MACF1: variants seen among roughly 807,000 people sequenced by gnomAD.
The protein encoded by MACF1 is microtubule-actin cross-linking factor 1.
A neutral mutation model predicts 854.8 loss-of-function variants in MACF1; 193 were observed. That is an observed-to-expected ratio of 0.23 (90% CI 0.20 to 0.25). MACF1 has a LOEUF of 0.25. Ranked by LOEUF, MACF1 falls within the 10% of genes least tolerant of loss-of-function variation. MACF1 has a pLI of 1.00. For synonymous variants in MACF1, 3,185 were observed against 3,226.7 expected (o/e 0.99, Z 0.44); for missense variants, 7,722 against 8,929.1 (o/e 0.86, Z 5.45).
At chr1:39,295,219 A>G (rs1209370856) in intron 19 of MACF1, 69 bp downstream of exon 19, 1 of 1,328,116 alleles carries the variant, frequency 7.5e-7, no homozygotes, top group East Asian at 2.3e-5. Flanking sequence ...TTCAAATTAG[A>G]GACTTTGTTC....
chr1:39,362,997 T>A (rs182108330), intron 49 of MACF1, among the ~76,000 whole-genome samples: 1 of 152,202 alleles, frequency 6.6e-6, no homozygotes, highest in Non-Finnish European at 1.5e-5. Flanking sequence ...ACAATAAATA[T>A]AAGATAGTTT....
In MACF1 at chr1:39,204,828, A is replaced by T. The variant is rs1024052532; in HGVS notation, c.-195A>T. On this transcript the variant is annotated 5_prime_UTR_variant, in exon 1 of 101. Coordinates refer to ENST00000564288, the MANE Select transcript of MACF1 (RefSeq NM_001394062.1). ...AGATACACTGTACAGTTTTAGTCCC[A>T]GTCTACTAGCGCCTGCTGAAAAACA... The T allele has an allele frequency of 1.7e-5, 10 of 580,980 alleles. No individual in the cohort carries two copies. Among genetic ancestry groups the T allele is most frequent in the Non-Finnish European group, 2.8e-5 (9 of 326,068 alleles). 36.0% of individuals were successfully genotyped at this position (580,980 alleles called of 1,614,324 possible).
In MACF1 at chr1:39,311,007, C is replaced by G; in HGVS notation, c.3270+7C>G. ...AAGGATTGCAGAGCAAGAGGTAAGCCCTAAGAGCCATGTGGATGCTGGTTG... is the reference window on the plus strand; with the variant it reads ...AAGGATTGCAGAGCAAGAGGTAAGCGCTAAGAGCCATGTGGATGCTGGTTG... On this transcript the variant is annotated splice_region_variant and intron_variant, in intron 26 of 100. Transcript: ENST00000564288. 6.2e-7 allele frequency: 1 copy of G among 1,608,294 alleles called. No individual in the cohort carries two copies. Among genetic ancestry groups the G allele is most frequent in the South Asian group, 1.1e-5 (1 of 90,232 alleles).
chr1:39,350,850 G>T lies in MACF1; in HGVS notation c.11031G>T (p.Gly3677=). The change falls in exon 43 of 101, where the codon GGG becomes GGT. Residue 3677 remains glycine, a synonymous_variant. Transcript: ENST00000564288. Reference sequence around the variant, plus strand: ...CCACTGTTGTCAAGGACATTGAGGGGTTCATGGAAGAGAATCAGACCAAGC... The same window carrying T: ...CCACTGTTGTCAAGGACATTGAGGGTTTCATGGAAGAGAATCAGACCAAGC... ...SFATVVKDIE[G]FMEENQTKLS... 1.2e-6 allele frequency: 2 copies of T among 1,614,066 alleles called. No homozygotes were observed. The highest frequency in any genetic ancestry group is 1.7e-6 in the Non-Finnish European group (2 of 1,179,966).
intron 71 of MACF1, 52 bp downstream of exon 71, chr1:39,438,060 T>C: frequency 6.6e-7 from 1 of 1,515,216 alleles, no homozygotes; most frequent in Non-Finnish European, 9.0e-7. Context: ...AATTCTAGGC[T>C]GTGGTTATCT....
chr1:39,102,234 AAAG>A, intron 2 of MACF1, among the ~76,000 whole-genome samples: 1 of 152,288 alleles, frequency 6.6e-6, no homozygotes, highest in South Asian at 2.1e-4. Flanking sequence ...AAAGAAAAGA[AAAG>A]AAAGACGAAA....
At chr1:39,356,009 T>C (rs636083) in intron 44 of MACF1, among the ~76,000 whole-genome samples, 61,527 of 152,054 alleles carry the variant, frequency 0.4, 14,633 homozygotes, top group African/African-American at 0.67. Flanking sequence ...TATCAGGTTG[T>C]TGTTGATACA....
At chr1:39,146,704 G>A (rs1311563984) in intron 2 of MACF1, among the ~76,000 whole-genome samples, 4 of 152,002 alleles carry the variant, frequency 2.6e-5, no homozygotes, top group African/African-American at 4.8e-5. Context: ...GTTGGGAAGG[G>A]GGGATGGGGT....
chr1:39,477,072 TATATATATATATATATATACAC>T (rs71060313), intron 97 of MACF1, among the ~76,000 whole-genome samples: 3,776 of 52,912 alleles, frequency 0.071, 277 homozygotes, highest in South Asian at 0.083. Flanking sequence ...TATATATATA[TATATATATATATATATATACAC>T]ACACACACAT....
intron 2 of MACF1, among the ~76,000 whole-genome samples, chr1:39,248,296 CT>C (rs1280633999): frequency 6.6e-6 from 1 of 151,950 alleles, no homozygotes; most frequent in Non-Finnish European, 1.5e-5. Context: ...TCTTATCCTA[CT>C]TTCTTTTTTT....
chr1:39,108,503 A>AG (rs1642305969), intron 2 of MACF1, among the ~76,000 whole-genome samples: 1 of 131,788 alleles, frequency 7.6e-6, no homozygotes, highest in African/African-American at 2.9e-5. Flanking sequence ...GTGACATGAG[A>AG]GGGTTTTTTT....
Position 39,468,620 on chromosome 1 carries a change from G to T in MACF1, c.21777G>T (p.Gly7259=). The T allele has an allele frequency of 6.2e-7, 1 of 1,613,602 alleles. No individual in the cohort carries two copies. The highest frequency in any genetic ancestry group is 8.5e-7 in the Non-Finnish European group (1 of 1,179,548). The change falls in exon 96 of 101, where the codon GGG becomes GGT. Residue 7259 remains glycine (G), a synonymous_variant. Coordinates refer to ENST00000564288, the MANE Select transcript of MACF1 (RefSeq NM_001394062.1). ...AGTTTCCTTTGATTCTACAGTTTGG[G>T]GATTCTCAGCAGTTGCGGCTGGTCC... is the stretch of plus-strand genomic sequence containing the variant. ...KYRFFLGNQF[G]DSQQLRLVRI... is the part of the protein sequence containing the mutation.
chr1:39,084,521 AGG>A lies in MACF1; in HGVS notation c.220+86_220+87del. The A allele has an allele frequency of 8.6e-7, 1 of 1,162,674 alleles. No individual in the cohort carries two copies. Among genetic ancestry groups the A allele is most frequent in the Non-Finnish European group, 1.2e-6 (1 of 810,218 alleles). 72.0% of individuals were successfully genotyped at this position (1,162,674 alleles called of 1,614,324 possible). A position where few individuals can be genotyped will look rare whatever the true frequency, so the allele number is the denominator to read the frequency against. On this transcript the variant is annotated intron_variant, in intron 2 of 93. Transcript: ENST00000361689. The surrounding 1 kb of genome is among the most constrained non-coding windows in gnomAD (Gnocchi z 5.2). ...GGCACAGCAGCTGTGTGGGGAGCCG[AGG>A]GGTCCTCACCAGGGCCTCTGACAAA...
At chr1:39,415,514 A>G (rs1294712368) in intron 58 of MACF1, among the ~76,000 whole-genome samples, 2 of 146,160 alleles carry the variant, frequency 1.4e-5, no homozygotes, top group Non-Finnish European at 3.0e-5. Context: ...TTTTGTATAT[A>G]TATATATATA....
chr1:39,396,628 G>C (rs1338191700), intron 58 of MACF1, among the ~76,000 whole-genome samples: 2 of 152,218 alleles, frequency 1.3e-5, no homozygotes, highest in Non-Finnish European at 2.9e-5. Context: ...CTCAGCCTTA[G>C]GCTGGTTCTG....
intron 1 of MACF1, among the ~76,000 whole-genome samples, chr1:39,207,442 G>A (rs1183564249): frequency 3.3e-5 from 5 of 151,890 alleles, no homozygotes; most frequent in Non-Finnish European, 7.4e-5. Context: ...CACCACAGCC[G>A]GCTGATTTTG....
chr1:39,310,809 T>G, intron 25 of MACF1, 22 bp from the exon 26 acceptor site: 2 of 1,592,714 alleles, frequency 1.3e-6, no homozygotes. Context: ...CTTACTGGTC[T>G]TTTGTGTTTG....
At chr1:39,472,105 T>C (rs1644789969) in intron 97 of MACF1, among the ~76,000 whole-genome samples, 1 of 152,160 alleles carries the variant, frequency 6.6e-6, no homozygotes, top group African/African-American at 2.4e-5. Flanking sequence ...CATGTCTGGT[T>C]CTGTAGGTTC....
intron 14 of MACF1, 137 bp from the exon 15 acceptor site, chr1:39,287,149 C>T (rs1014881468): frequency 6.2e-5 from 55 of 886,766 alleles, no homozygotes; most frequent in Non-Finnish European, 7.0e-5. Flanking sequence ...TTAGTAGAGA[C>T]GGGGTTTCAC....
Sources: allele counts gnomAD v4.1 joint callset (sites outside exome capture counted in the v4.1 genomes callset), GRCh38; gene constraint gnomAD v4.1.1; non-coding constraint Gnocchi (gnomAD v3.1); transcripts MANE v1.5; gene names NCBI Gene and HGNC (gene_info 2026-07-23, HGNC 2026-07-21).